Variants in SYT1 observed in about 807,000 individuals in gnomAD.
SYT1 encodes the protein synaptotagmin-1.
In SYT1, 8 loss-of-function variants were observed where a neutral mutation model predicts 44.8. The observed-to-expected ratio is 0.18, with a 90% confidence interval of 0.10 to 0.32. SYT1 has a LOEUF of 0.32. Among genes scored for constraint, SYT1 ranks in the 10% least tolerant of loss-of-function variants. The pLI is 1.00. For synonymous variants in SYT1, 154 were observed against 188.8 expected (o/e 0.82, Z 1.51); for missense variants, 286 against 509.3 (o/e 0.56, Z 4.22).
intron 9 of SYT1, among the ~76,000 whole-genome samples, chr12:79,441,504 G>A (rs554179395): frequency 3.0e-4 from 46 of 152,028 alleles, no homozygotes; most frequent in Non-Finnish European, 5.7e-4. Flanking sequence ...TGGTAGAGAT[G>A]GGGTCTCACC....
intron 8 of SYT1, among the ~76,000 whole-genome samples, chr12:79,318,814 T>A (rs942438256): frequency 1.3e-5 from 2 of 152,194 alleles, no homozygotes; most frequent in African/African-American, 4.8e-5. Context: ...AATAGTCTGC[T>A]CTTAATCGTA....
chr12:79,402,007 G>C (rs1885086886), intron 9 of SYT1, among the ~76,000 whole-genome samples: 2 of 152,140 alleles, frequency 1.3e-5, no homozygotes, highest in African/African-American at 4.8e-5. Flanking sequence ...TAGGAAGAAA[G>C]AGATTAAGAA....
intron 1 of SYT1, among the ~76,000 whole-genome samples, chr12:78,876,463 GTT>G (rs1555177002): frequency 0.06 from 2,475 of 41,396 alleles, 46 homozygotes; most frequent in African/African-American, 0.15. Flanking sequence ...AAATGGAGGT[GTT>G]TTTTTTTTTT....
At chr12:79,300,458 T>A (rs1007820400) in intron 8 of SYT1, among the ~76,000 whole-genome samples, 26 of 151,990 alleles carry the variant, frequency 1.7e-4, no homozygotes, top group African/African-American at 6.3e-4. Context: ...ACCAGGGAGA[T>A]CAGAGAGAAC....
intron 3 of SYT1, among the ~76,000 whole-genome samples, chr12:79,157,983 C>A (rs1202178801): frequency 2.0e-5 from 3 of 152,140 alleles, no homozygotes; most frequent in Non-Finnish European, 2.9e-5. Flanking sequence ...TATAAAGGAG[C>A]AGTCCCCAAT....
At chr12:79,314,168 C>CAAAAAAAAAAA (rs34951756) in intron 8 of SYT1, among the ~76,000 whole-genome samples, 2 of 67,286 alleles carry the variant, frequency 3.0e-5, no homozygotes, top group African/African-American at 1.3e-4. Flanking sequence ...GACTCCGTCT[C>CAAAAAAAAAAA]AAAAAAAAAA....
At chr12:79,234,336 A>G (rs1347955671) in intron 4 of SYT1, among the ~76,000 whole-genome samples, 1 of 152,236 alleles carries the variant, frequency 6.6e-6, no homozygotes, top group Non-Finnish European at 1.5e-5. Flanking sequence ...GAAAATGTAT[A>G]GTTCTATGCT....
intron 1 of SYT1, among the ~76,000 whole-genome samples, chr12:78,912,810 T>C (rs1399781648): frequency 6.6e-6 from 1 of 151,940 alleles, no homozygotes; most frequent in Non-Finnish European, 1.5e-5. Context: ...GGGGTTGCCC[T>C]GTAACTCACC....
chr12:79,446,479 A>G (rs1337444484), intron 10 of SYT1, among the ~76,000 whole-genome samples: 3 of 152,158 alleles, frequency 2.0e-5, no homozygotes, highest in Admixed American at 2.0e-4. Context: ...CACTAATTTG[A>G]CCAAGGAACG....
chr12:79,000,535 G>A (rs1260055305), intron 2 of SYT1, among the ~76,000 whole-genome samples: 2 of 152,074 alleles, frequency 1.3e-5, no homozygotes, highest in African/African-American at 4.8e-5. Flanking sequence ...CTGACCTCAG[G>A]TGATCCACCC....
At chr12:79,135,872 A>T (rs895805730) in intron 3 of SYT1, among the ~76,000 whole-genome samples, 4 of 152,168 alleles carry the variant, frequency 2.6e-5, no homozygotes, top group Non-Finnish European at 5.9e-5. Context: ...AACAAATATG[A>T]TCCTTGCAAG....
At chr12:79,378,632 T>C (rs1884094922) in intron 9 of SYT1, among the ~76,000 whole-genome samples, 1 of 152,200 alleles carries the variant, frequency 6.6e-6, no homozygotes, top group African/African-American at 2.4e-5. Context: ...AAGCACAATT[T>C]ACTAGCCTCA....
chr12:79,056,808 G>C (rs1415363906), intron 3 of SYT1, among the ~76,000 whole-genome samples: 4 of 152,000 alleles, frequency 2.6e-5, no homozygotes, highest in Non-Finnish European at 5.9e-5. Flanking sequence ...TGACAAAGTT[G>C]CTTATTTTGC....
At chr12:79,134,939 T>C (rs1272658470) in intron 3 of SYT1, among the ~76,000 whole-genome samples, 2 of 151,914 alleles carry the variant, frequency 1.3e-5, no homozygotes, top group Admixed American at 6.6e-5. Context: ...TAATATTGTA[T>C]TGTACACTTG....
intron 3 of SYT1, among the ~76,000 whole-genome samples, chr12:79,172,020 A>C (rs1234879059): frequency 6.6e-6 from 1 of 151,988 alleles, no homozygotes; most frequent in Non-Finnish European, 1.5e-5. Flanking sequence ...TATCATGCAA[A>C]TCTTTATCTC....
At chr12:78,880,786 C>T (rs1874412299) in intron 1 of SYT1, among the ~76,000 whole-genome samples, 1 of 151,314 alleles carries the variant, frequency 6.6e-6, no homozygotes, top group African/African-American at 2.4e-5. Flanking sequence ...GCCAAAATGA[C>T]TAATTTGTCT....
At chr12:79,248,671 T>C (rs1876998089) in intron 4 of SYT1, among the ~76,000 whole-genome samples, 1 of 152,042 alleles carries the variant, frequency 6.6e-6, no homozygotes, top group Non-Finnish European at 1.5e-5. Context: ...CAAGAGGAAA[T>C]GGTATGTTCA....
intron 10 of SYT1, among the ~76,000 whole-genome samples, chr12:79,445,532 A>G (rs1036744614): frequency 4.0e-5 from 6 of 151,572 alleles, no homozygotes; most frequent in Non-Finnish European, 7.4e-5. Context: ...TAGCTTCCAC[A>G]TGAGTAAGAA....
chr12:78,915,227 G>A (rs1215299958), intron 1 of SYT1, among the ~76,000 whole-genome samples: 1 of 152,020 alleles, frequency 6.6e-6, no homozygotes, highest in Non-Finnish European at 1.5e-5. Context: ...AGGTTCCCAA[G>A]CACTGAACCC....
Sources: gnomAD v4.1 joint callset for allele counts (sites outside exome capture counted in the v4.1 genomes callset) on GRCh38, gnomAD v4.1.1 for gene constraint, MANE v1.5 for transcripts, NCBI Gene and HGNC (gene_info 2026-07-23, HGNC 2026-07-21) for gene names.